DPP10: variants seen among roughly 807,000 people sequenced by gnomAD.
The protein encoded by DPP10 is inactive dipeptidyl peptidase 10.
A neutral mutation model predicts 120.9 loss-of-function variants in DPP10; 33 were observed. That is an observed-to-expected ratio of 0.27 (90% CI 0.21 to 0.37). DPP10 has a LOEUF of 0.37. Ranked by LOEUF, DPP10 falls within the 10% of genes least tolerant of loss-of-function variation. The pLI is 1.00. For missense variants in DPP10, 816 were observed against 942.8 expected (o/e 0.87, Z 1.76); for synonymous variants, 337 against 326.1 (o/e 1.03, Z -0.36).
chr2:115,059,685 GAAAAAAAA>G (rs34515129), intron 1 of DPP10, among the ~76,000 whole-genome samples: 6 of 116,346 alleles, frequency 5.2e-5, no homozygotes, highest in African/African-American at 1.4e-4. Flanking sequence ...ACCTCAACAG[GAAAAAAAA>G]AAAAAAAAAA....
At chr2:115,376,182 T>G (rs1206134915) in intron 3 of DPP10, among the ~76,000 whole-genome samples, 2 of 152,310 alleles carry the variant, frequency 1.3e-5, no homozygotes, top group Non-Finnish European at 2.9e-5. Flanking sequence ...AGAGACTTTT[T>G]AAGGAATTGC....
At chr2:115,466,258 A>C (rs1182268992) in intron 3 of DPP10, among the ~76,000 whole-genome samples, 1 of 152,158 alleles carries the variant, frequency 6.6e-6, no homozygotes, top group Non-Finnish European at 1.5e-5. Context: ...AAAACGTCTG[A>C]TATGGGAATT....
At chr2:115,468,137 A>C in intron 3 of DPP10, 3 of 492,544 alleles carry the variant, frequency 6.1e-6, no homozygotes, top group South Asian at 3.0e-5. Context: ...CTTAGGTGGC[A>C]CCAACCTTGA....
At chr2:115,460,330 G>A (rs1045922824) in intron 3 of DPP10, among the ~76,000 whole-genome samples, 1 of 152,064 alleles carries the variant, frequency 6.6e-6, no homozygotes, top group Non-Finnish European at 1.5e-5. Context: ...TGGCACGTAA[G>A]TAGAAGAGAC....
intron 11 of DPP10, among the ~76,000 whole-genome samples, chr2:115,761,793 T>G (rs2149789295): frequency 6.6e-6 from 1 of 152,210 alleles, no homozygotes; most frequent in African/African-American, 2.4e-5. Flanking sequence ...ATAAATAATT[T>G]ATTATTAACA....
chr2:114,845,228 C>T (rs1313621874), intron 1 of DPP10, among the ~76,000 whole-genome samples: 1 of 152,060 alleles, frequency 6.6e-6, no homozygotes, highest in Non-Finnish European at 1.5e-5. Context: ...GGATGAGACT[C>T]AATCTTTCCA....
chr2:115,162,399 C>G lies in DPP10; in HGVS notation c.61-146840C>G, dbSNP rs962956671. 7 of 1,284,154 alleles carry G rather than the reference C, an allele frequency of 5.5e-6. No homozygotes were observed. In the African/African-American group the frequency reaches 1.1e-4, roughly 20 times the overall value. 79.5% of individuals were successfully genotyped at this position (1,284,154 alleles called of 1,614,324 possible). Reference sequence around the variant, plus strand: ...GCACGCTGAAGAAATCTGCTGCGCTCCTGACGGCCGCTCACCGGGTTCGAG... The same window carrying G: ...GCACGCTGAAGAAATCTGCTGCGCTGCTGACGGCCGCTCACCGGGTTCGAG... On this transcript the variant is annotated intron_variant, in intron 1 of 25. Transcript: ENST00000410059.
chr2:115,352,675 T>G (rs2064113261), intron 3 of DPP10, among the ~76,000 whole-genome samples: 1 of 152,150 alleles, frequency 6.6e-6, no homozygotes, highest in Middle Eastern at 3.4e-3. Flanking sequence ...ATATAAAGGG[T>G]TTTTTTCCTC....
At chr2:115,837,958 A>T (rs1409481712) in intron 24 of DPP10, among the ~76,000 whole-genome samples, 1 of 152,204 alleles carries the variant, frequency 6.6e-6, no homozygotes, top group Non-Finnish European at 1.5e-5. Context: ...TACACAGGAA[A>T]ACAACAATAA....
At chr2:114,807,602 A>T (rs1234776926) in intron 1 of DPP10, among the ~76,000 whole-genome samples, 1 of 152,180 alleles carries the variant, frequency 6.6e-6, no homozygotes, top group East Asian at 1.9e-4. Flanking sequence ...ATTTTCTATT[A>T]AAAAATTATA....
intron 3 of DPP10, among the ~76,000 whole-genome samples, chr2:115,471,020 T>A (rs1850446): frequency 0.83 from 125,894 of 152,140 alleles, 55,164 homozygotes; most frequent in Non-Finnish European, 0.97. Flanking sequence ...TTCTTGTAAG[T>A]GATAAATATC....
chr2:115,310,195 A>G (rs750829047), intron 2 of DPP10, among the ~76,000 whole-genome samples: 25 of 152,180 alleles, frequency 1.6e-4, no homozygotes, highest in Non-Finnish European at 2.9e-4. Flanking sequence ...GATTGAATGA[A>G]TCCAAAAATC....
chr2:114,974,371 A>AATT (rs977396901), intron 1 of DPP10, among the ~76,000 whole-genome samples: 11 of 150,594 alleles, frequency 7.3e-5, no homozygotes, highest in African/African-American at 1.2e-4. Context: ...TAGGGGCAAT[A>AATT]GGTTATTCCA....
At chr2:114,652,417 G>A (rs942951505) in intron 1 of DPP10, among the ~76,000 whole-genome samples, 1 of 152,192 alleles carries the variant, frequency 6.6e-6, no homozygotes, top group South Asian at 2.1e-4. Flanking sequence ...TCATTGAGAA[G>A]TAAATTTCCA....
chr2:115,593,967 A>T (rs988889371), intron 5 of DPP10, among the ~76,000 whole-genome samples: 1 of 152,168 alleles, frequency 6.6e-6, no homozygotes, highest in African/African-American at 2.4e-5. Flanking sequence ...GCAGATACCT[A>T]TTATGAAGTG....
chr2:115,479,688 A>G (rs1227134179), intron 3 of DPP10, among the ~76,000 whole-genome samples: 4 of 152,190 alleles, frequency 2.6e-5, no homozygotes, highest in Non-Finnish European at 4.4e-5. Context: ...ATGGTCTCCC[A>G]TAAGACCAGG....
At chr2:115,343,604 A>C (rs2106258608) in intron 2 of DPP10, among the ~76,000 whole-genome samples, 1 of 152,274 alleles carries the variant, frequency 6.6e-6, no homozygotes, top group South Asian at 2.1e-4. Flanking sequence ...TTAAATTTGT[A>C]CCAGATCAAG....
intron 1 of DPP10, among the ~76,000 whole-genome samples, chr2:114,710,064 C>G (rs1226696054): frequency 3.3e-5 from 5 of 152,246 alleles, no homozygotes; most frequent in Non-Finnish European, 7.3e-5. Flanking sequence ...CAACTCTACC[C>G]TGTTAGAATG....
intron 1 of DPP10, among the ~76,000 whole-genome samples, chr2:115,027,616 G>A (rs1044000152): frequency 1.3e-5 from 2 of 152,134 alleles, no homozygotes; most frequent in South Asian, 2.1e-4. Flanking sequence ...TGTTTTTCTG[G>A]TTTTGGTATC....
Sources: allele counts gnomAD v4.1 joint callset (sites outside exome capture counted in the v4.1 genomes callset), GRCh38; gene constraint gnomAD v4.1.1; transcripts MANE v1.5; gene names NCBI Gene and HGNC (gene_info 2026-07-23, HGNC 2026-07-21).